SIPA1L2: variants seen among roughly 807,000 people sequenced by gnomAD.
SIPA1L2 encodes the protein signal induced proliferation associated 1 like 2.
A neutral mutation model predicts 163.9 loss-of-function variants in SIPA1L2; 56 were observed. The observed-to-expected ratio is 0.34, with a 90% CI of 0.28 to 0.43. SIPA1L2 has a LOEUF of 0.43. Among genes scored for constraint, SIPA1L2 ranks in the 20% least tolerant of loss-of-function variants. The pLI is 1.00. For missense variants in SIPA1L2, 1,974 were observed against 2,193.5 expected (o/e 0.90, Z 2.00); for synonymous variants, 877 against 865.7 (o/e 1.01, Z -0.23).
intron 3 of SIPA1L2, among the ~76,000 whole-genome samples, chr1:232,504,803 C>T (rs1488738911): frequency 2.0e-5 from 3 of 152,152 alleles, no homozygotes; most frequent in Admixed American, 2.0e-4. Flanking sequence ...TGAGGAGGCA[C>T]AACTATTCTT....
At chr1:232,526,889 T>C (rs1169007159) in intron 2 of SIPA1L2, among the ~76,000 whole-genome samples, 1 of 152,160 alleles carries the variant, frequency 6.6e-6, no homozygotes, top group African/African-American at 2.4e-5. Flanking sequence ...CCTCCCAGAC[T>C]GAAGTGTCCT....
intron 6 of SIPA1L2, among the ~76,000 whole-genome samples, chr1:232,480,357 C>T (rs917160122): frequency 6.6e-6 from 1 of 152,118 alleles, no homozygotes; most frequent in Non-Finnish European, 1.5e-5. Flanking sequence ...TACATTGATA[C>T]ATCCCATGAA....
chr1:232,403,766 C>T (rs2102743218), intron 20 of SIPA1L2, among the ~76,000 whole-genome samples, 195 bp from the exon 21 acceptor site: 1 of 152,312 alleles, frequency 6.6e-6, no homozygotes, highest in Admixed American at 6.5e-5. Flanking sequence ...ATTGGCTGTC[C>T]TCCTACTGGG....
chr1:232,569,873 A>G (rs1425786981), intron 2 of SIPA1L2, among the ~76,000 whole-genome samples: 1 of 152,214 alleles, frequency 6.6e-6, no homozygotes, highest in Non-Finnish European at 1.5e-5. Context: ...CAAGTCTAGA[A>G]TTCTACTGGC....
chr1:232,473,781 C>A (rs930434567), intron 7 of SIPA1L2, among the ~76,000 whole-genome samples: 2 of 151,954 alleles, frequency 1.3e-5, no homozygotes, highest in African/African-American at 4.8e-5. Flanking sequence ...AAAAAATAAA[C>A]GATTGGAGGC....
At chr1:232,410,727 C>T (rs989269694) in intron 19 of SIPA1L2, among the ~76,000 whole-genome samples, 1 of 152,080 alleles carries the variant, frequency 6.6e-6, no homozygotes, top group Non-Finnish European at 1.5e-5. Flanking sequence ...CGTTTTCTTG[C>T]AAGAAATAAT....
At chr1:232,479,549 A>T in intron 7 of SIPA1L2, 78 bp downstream of exon 7, 2 of 1,097,256 alleles carry the variant, frequency 1.8e-6, no homozygotes, top group Non-Finnish European at 2.8e-6. Context: ...TGCAAGTTCT[A>T]CATGCATCAA....
intron 1 of SIPA1L2, among the ~76,000 whole-genome samples, chr1:232,616,800 G>A (rs560346714): frequency 2.3e-4 from 35 of 152,306 alleles, no homozygotes; most frequent in African/African-American, 7.2e-4. Flanking sequence ...TGATGAAAAC[G>A]TTTTAGTACT....
chr1:232,551,285 A>G (rs964727634), intron 2 of SIPA1L2, among the ~76,000 whole-genome samples: 6 of 152,158 alleles, frequency 3.9e-5, no homozygotes, highest in Non-Finnish European at 8.8e-5. Flanking sequence ...TTTTTATTAT[A>G]TGACCCAGAA....
chr1:232,501,050 ATTTT>A (rs60008360), intron 3 of SIPA1L2, among the ~76,000 whole-genome samples: 4,000 of 78,322 alleles, frequency 0.051, 80 homozygotes, highest in African/African-American at 0.14. Flanking sequence ...GCAATGAAGT[ATTTT>A]TTTTTTTTTT....
At chr1:232,609,382 A>T (rs1662122145) in intron 1 of SIPA1L2, among the ~76,000 whole-genome samples, 1 of 152,178 alleles carries the variant, frequency 6.6e-6, no homozygotes, top group African/African-American at 2.4e-5. Flanking sequence ...ATTGCTTCAC[A>T]ATTTCTTCTT....
intron 10 of SIPA1L2, among the ~76,000 whole-genome samples, chr1:232,447,564 G>T (rs1663291967): frequency 6.6e-6 from 1 of 152,250 alleles, no homozygotes; most frequent in Admixed American, 6.5e-5. Context: ...CCTCACCACT[G>T]AAGGAAGGCA....
chr1:232,626,947 C>T (rs918398939), intron 1 of SIPA1L2, among the ~76,000 whole-genome samples: 3 of 151,736 alleles, frequency 2.0e-5, no homozygotes, highest in East Asian at 3.9e-4. Context: ...TCTACTCTCA[C>T]TCTGCAAATG....
chr1:232,544,438 T>C (rs1180667185), intron 2 of SIPA1L2, among the ~76,000 whole-genome samples: 1 of 151,996 alleles, frequency 6.6e-6, no homozygotes, highest in Non-Finnish European at 1.5e-5. Flanking sequence ...CAGGCGCCTG[T>C]AGTCCCAGCT....
intron 1 of SIPA1L2, among the ~76,000 whole-genome samples, chr1:232,624,345 C>G (rs1313094746): frequency 6.6e-6 from 1 of 152,196 alleles, no homozygotes; most frequent in Non-Finnish European, 1.5e-5. Context: ...ACGGAGAGGA[C>G]AGTATCCCAA....
At chr1:232,603,854 A>G (rs1275084056) in intron 1 of SIPA1L2, among the ~76,000 whole-genome samples, 2 of 152,074 alleles carry the variant, frequency 1.3e-5, no homozygotes, top group Non-Finnish European at 2.9e-5. Flanking sequence ...CCCCAATAGA[A>G]ACTATCAGAA....
intron 2 of SIPA1L2, among the ~76,000 whole-genome samples, chr1:232,530,816 A>AAAACT (rs75343179): frequency 0.87 from 128,856 of 148,806 alleles, 55,663 homozygotes; most frequent in Non-Finnish European, 0.93. Flanking sequence ...AGGAAAACTA[A>AAAACT]AAAGTTAAAT....
At chr1:232,613,245 A>C (rs1455907853) in intron 1 of SIPA1L2, among the ~76,000 whole-genome samples, 1 of 152,198 alleles carries the variant, frequency 6.6e-6, no homozygotes, top group Non-Finnish European at 1.5e-5. Context: ...CTTATTCGTC[A>C]CCTCTTCATT....
intron 2 of SIPA1L2, among the ~76,000 whole-genome samples, chr1:232,542,114 C>G (rs1453563215): frequency 6.6e-6 from 1 of 152,218 alleles, no homozygotes; most frequent in Non-Finnish European, 1.5e-5. Context: ...CAGTATGATA[C>G]AGACAAATAG....
Sources: gnomAD v4.1 joint callset for allele counts (sites outside exome capture counted in the v4.1 genomes callset) on GRCh38, gnomAD v4.1.1 for gene constraint, MANE v1.5 for transcripts, NCBI Gene and HGNC (gene_info 2026-07-23, HGNC 2026-07-21) for gene names.